The following NRXN1 variants were observed in gnomAD, a reference collection of about 807,000 sequenced individuals.
The protein encoded by NRXN1 is neurexin-1.
NRXN1 carries 39 observed loss-of-function variants against 150.9 expected under a neutral mutation model. That is an observed-to-expected ratio of 0.26 (90% confidence interval 0.20 to 0.34). NRXN1 has a LOEUF of 0.34. NRXN1 is among the 10% of genes least tolerant of loss of function. NRXN1 has a pLI of 1.00. For synonymous variants in NRXN1, 924 were observed against 757.0 expected (o/e 1.22, Z -3.62); for missense variants, 1,815 against 1,949.9 (o/e 0.93, Z 1.30).
chr2:50,277,199 AG>A (rs2070607037), intron 17 of NRXN1, among the ~76,000 whole-genome samples: 1 of 152,216 alleles, frequency 6.6e-6, no homozygotes, highest in Non-Finnish European at 1.5e-5. Flanking sequence ...ATAACTCAGG[AG>A]CCACAAAACA....
intron 5 of NRXN1, among the ~76,000 whole-genome samples, chr2:50,849,372 A>C (rs1293745937): frequency 1.3e-5 from 2 of 152,154 alleles, no homozygotes; most frequent in Non-Finnish European, 2.9e-5. Flanking sequence ...ACAACCCAGG[A>C]ATGTCTTTCT....
At chr2:50,588,714 C>A (rs910592573) in intron 8 of NRXN1, 1 of 152,068 alleles carries the variant, frequency 6.6e-6, no homozygotes, top group African/African-American at 2.4e-5. Context: ...TTTGCTAGTA[C>A]AATGCCGGTT....
At chr2:50,188,677 G>GAA (rs367633036) in intron 18 of NRXN1, among the ~76,000 whole-genome samples, 2 of 146,110 alleles carry the variant, frequency 1.4e-5, no homozygotes, top group Admixed American at 6.9e-5. Context: ...AAATTTACAA[G>GAA]AAAAAAAAAA....
intron 8 of NRXN1, among the ~76,000 whole-genome samples, chr2:50,617,970 C>G (rs1679320699): frequency 6.6e-6 from 1 of 152,174 alleles, no homozygotes; most frequent in African/African-American, 2.4e-5. Context: ...CTCAGCTGAA[C>G]TCAAGGATTC....
chr2:50,465,108 A>G (rs2088678703), intron 17 of NRXN1, among the ~76,000 whole-genome samples: 1 of 151,914 alleles, frequency 6.6e-6, no homozygotes, highest in Non-Finnish European at 1.5e-5. Context: ...ATTAAGTATT[A>G]TTTAATATAA....
chr2:49,985,663 A>T (rs1328250699), intron 21 of NRXN1, among the ~76,000 whole-genome samples: 2 of 152,218 alleles, frequency 1.3e-5, no homozygotes, highest in Non-Finnish European at 2.9e-5. Context: ...CAAGCAAGAC[A>T]AATGGAGTTT....
chr2:50,727,187 G>A (rs1043204492), intron 5 of NRXN1, among the ~76,000 whole-genome samples: 3 of 152,126 alleles, frequency 2.0e-5, no homozygotes, highest in African/African-American at 4.8e-5. Flanking sequence ...TACTTAAAGA[G>A]ATATAATTCC....
intron 8 of NRXN1, among the ~76,000 whole-genome samples, chr2:50,611,875 C>T (rs1678203986): frequency 6.6e-6 from 1 of 152,138 alleles, no homozygotes; most frequent in Admixed American, 6.5e-5. Context: ...ATATAACTAA[C>T]TGGGCATCTG....
At chr2:50,447,794 T>G (rs2086593709) in intron 17 of NRXN1, among the ~76,000 whole-genome samples, 1 of 133,158 alleles carries the variant, frequency 7.5e-6, no homozygotes, top group African/African-American at 3.1e-5. Context: ...ATTCCCTAAA[T>G]GTACTATCTA....
At chr2:50,492,436 G>A (rs2091305311) in intron 15 of NRXN1, among the ~76,000 whole-genome samples, 1 of 152,140 alleles carries the variant, frequency 6.6e-6, no homozygotes, top group African/African-American at 2.4e-5. Flanking sequence ...TTGGAGTCAA[G>A]GTGGAGAATG....
intron 17 of NRXN1, among the ~76,000 whole-genome samples, chr2:50,260,629 G>GT (rs10601394): frequency 0.017 from 1,975 of 113,038 alleles, 34 homozygotes; most frequent in African/African-American, 0.03. Context: ...TTTTTTTTCC[G>GT]TTTTTTTTTT....
At chr2:50,757,986 A>G (rs1026873977) in intron 5 of NRXN1, 4 of 151,754 alleles carry the variant, frequency 2.6e-5, no homozygotes, top group Non-Finnish European at 5.9e-5. Context: ...AAGCTGAGTG[A>G]CATTATTTTT....
intron 17 of NRXN1, among the ~76,000 whole-genome samples, chr2:50,462,122 G>A (rs12997031): frequency 0.49 from 73,956 of 151,658 alleles, 19,020 homozygotes; most frequent in African/African-American, 0.64. Flanking sequence ...AGATGCATGT[G>A]TCTAGCACGC....
intron 5 of NRXN1, among the ~76,000 whole-genome samples, chr2:50,654,362 T>C (rs1559080081): frequency 6.6e-6 from 1 of 152,054 alleles, no homozygotes; most frequent in Middle Eastern, 3.4e-3. Flanking sequence ...CATGAAATCA[T>C]CATTTTTTAG....
At chr2:50,226,676 G>T (rs2064411751) in intron 18 of NRXN1, among the ~76,000 whole-genome samples, 1 of 151,936 alleles carries the variant, frequency 6.6e-6, no homozygotes. Context: ...TGAAGTATTT[G>T]CAGTAGACCA....
intron 19 of NRXN1, among the ~76,000 whole-genome samples, chr2:50,065,616 G>A (rs1285826860): frequency 6.6e-6 from 1 of 152,276 alleles, no homozygotes; most frequent in East Asian, 1.9e-4. Context: ...GCAGAGGTAA[G>A]TAAAGTGATC....
intron 5 of NRXN1, among the ~76,000 whole-genome samples, chr2:50,655,908 A>G (rs1438378157): frequency 6.6e-6 from 1 of 152,006 alleles, no homozygotes; most frequent in Non-Finnish European, 1.5e-5. Context: ...TTAGCAGTAA[A>G]TTGACATATA....
At chr2:50,312,769 A>C (rs775833765) in intron 17 of NRXN1, 11 of 516,200 alleles carry the variant, frequency 2.1e-5, no homozygotes, top group Non-Finnish European at 1.9e-5. Context: ...AATTTCAGCT[A>C]CTTCATTTAT....
chr2:50,863,455 C>T (rs1361445732), intron 5 of NRXN1, among the ~76,000 whole-genome samples: 1 of 151,940 alleles, frequency 6.6e-6, no homozygotes, highest in African/African-American at 2.4e-5. Context: ...AAACCTGCTT[C>T]AGAGTCAGCT....
Sources: allele counts gnomAD v4.1 joint callset (sites outside exome capture counted in the v4.1 genomes callset), GRCh38; gene constraint gnomAD v4.1.1; transcripts MANE v1.5; gene names NCBI Gene and HGNC (gene_info 2026-07-23, HGNC 2026-07-21).